The following BRINP3 variants were observed in gnomAD, a reference collection of about 807,000 sequenced individuals.
BRINP3 encodes the protein BMP/retinoic acid-inducible neural-specific protein 3.
A neutral mutation model predicts 71.0 loss-of-function variants in BRINP3; 19 were observed. The observed-to-expected ratio is 0.27, with a 90% CI of 0.19 to 0.39. BRINP3 has a LOEUF of 0.39. Among genes scored for constraint, BRINP3 ranks in the 10% least tolerant of loss-of-function variants. The probability of loss-of-function intolerance (pLI) is 1.00; values close to 1 mark genes in which losing one functional copy is unlikely to be tolerated. For synonymous variants in BRINP3, 380 were observed against 337.7 expected, an observed-to-expected ratio of 1.13 and a Z score of -1.37; for missense variants, 959 against 940.8, an observed-to-expected ratio of 1.02 and a Z score of -0.25.
intron 2 of BRINP3, among the ~76,000 whole-genome samples, chr1:190,360,317 T>C (rs759912074): frequency 1.3e-5 from 2 of 152,172 alleles, no homozygotes; most frequent in Non-Finnish European, 2.9e-5. Context: ...TGAAAGGGGA[T>C]ATTGTTAATA....
At chr1:190,265,539 AAT>A (rs36099005) in intron 3 of BRINP3, among the ~76,000 whole-genome samples, 22,730 of 139,132 alleles carry the variant, frequency 0.16, 2,476 homozygotes, top group African/African-American at 0.28. Flanking sequence ...GTCTCTACTA[AAT>A]ATATATATAT....
intron 2 of BRINP3, among the ~76,000 whole-genome samples, chr1:190,296,392 A>T (rs914086635): frequency 1.3e-5 from 2 of 152,098 alleles, no homozygotes; most frequent in African/African-American, 4.8e-5. Flanking sequence ...AAAAACTCTC[A>T]ACATATTAGG....
chr1:190,175,648 A>G, intron 6 of BRINP3, among the ~76,000 whole-genome samples: 1 of 152,312 alleles, frequency 6.6e-6, no homozygotes, highest in East Asian at 1.9e-4. Flanking sequence ...ATGTTACTGT[A>G]TATTAAAAAA....
intron 2 of BRINP3, among the ~76,000 whole-genome samples, chr1:190,446,104 T>A (rs566570621): frequency 7.2e-5 from 11 of 152,234 alleles, no homozygotes; most frequent in Non-Finnish European, 1.2e-4. Flanking sequence ...GTTTCTAAAC[T>A]ATTTATATTT....
chr1:190,359,352 C>T (rs1320199840), intron 2 of BRINP3, among the ~76,000 whole-genome samples: 1 of 151,940 alleles, frequency 6.6e-6, no homozygotes, highest in African/African-American at 2.4e-5. Flanking sequence ...ATCAGAAAGA[C>T]CAATGGTGTG....
At chr1:190,302,525 T>C (rs1664809099) in intron 2 of BRINP3, among the ~76,000 whole-genome samples, 1 of 151,820 alleles carries the variant, frequency 6.6e-6, no homozygotes, top group Non-Finnish European at 1.5e-5. Flanking sequence ...GTATGAACTC[T>C]CACTGCAGAA....
At chr1:190,208,229 A>G (rs1482678608) in intron 6 of BRINP3, among the ~76,000 whole-genome samples, 1 of 151,982 alleles carries the variant, frequency 6.6e-6, no homozygotes, top group Non-Finnish European at 1.5e-5. Context: ...AAGTGCTGGC[A>G]TTACAGGTGT....
At chr1:190,184,982 G>A (rs2102549211) in intron 6 of BRINP3, among the ~76,000 whole-genome samples, 1 of 152,120 alleles carries the variant, frequency 6.6e-6, no homozygotes, top group Middle Eastern at 3.4e-3. Context: ...AAAGACTTAA[G>A]TCCTGAAGCT....
chr1:190,098,071 T>A lies in BRINP3; in HGVS notation c.2248A>T (p.Asn750Tyr), dbSNP rs1385430457. The A allele has an allele frequency of 1.2e-6, 2 of 1,613,866 alleles. No individual in the cohort carries two copies. Among genetic ancestry groups the A allele is most frequent in the Non-Finnish European group, 1.7e-6 (2 of 1,179,904 alleles). Residue 750 changes from asparagine (N) to tyrosine (Y), a missense_variant, in exon 8 of 8, where the codon AAT becomes TAT. Transcript: ENST00000367462. ...TCCATTGTGTTTGGCAATTTGGCAT[T>A]AAACGCCTGCAGAGCAGATTGGATC... ...VRIQSALQAF[N>Y]AKLPNTMDYD...
At chr1:190,304,162 C>T (rs1048495842) in intron 2 of BRINP3, among the ~76,000 whole-genome samples, 21 of 151,716 alleles carry the variant, frequency 1.4e-4, no homozygotes, top group African/African-American at 3.6e-4. Context: ...TGCTATAAAA[C>T]CAAGAACCTA....
At chr1:190,102,583 G>A (rs1039697428) in intron 7 of BRINP3, among the ~76,000 whole-genome samples, 2 of 151,666 alleles carry the variant, frequency 1.3e-5, no homozygotes, top group African/African-American at 2.4e-5. Flanking sequence ...TAATACTTCA[G>A]TAAACATTCT....
chr1:190,203,794 TATATATATATATATATATATAA>T (rs1558061964), intron 6 of BRINP3, among the ~76,000 whole-genome samples: 7 of 84,664 alleles, frequency 8.3e-5, no homozygotes, highest in African/African-American at 2.6e-4. Flanking sequence ...TATATATATA[TATATATATATATATATATATAA>T]ATGAAAACAA....
chr1:190,206,321 A>G (rs192324960), intron 6 of BRINP3, among the ~76,000 whole-genome samples: 3 of 151,846 alleles, frequency 2.0e-5, no homozygotes, highest in Non-Finnish European at 2.9e-5. Flanking sequence ...CTATTCTGCT[A>G]AATAAATAAA....
At chr1:190,361,384 A>AGTTTTT (rs540887460) in intron 2 of BRINP3, among the ~76,000 whole-genome samples, 11 of 151,598 alleles carry the variant, frequency 7.3e-5, no homozygotes, top group Non-Finnish European at 7.4e-5. Context: ...ATATAAGACC[A>AGTTTTT]GTTTTTGTTT....
Position 190,264,856 on chromosome 1 carries a change from C to G in BRINP3, c.618+9G>C, listed in dbSNP as rs1264607763. The stretch of plus-strand genomic sequence containing the variant: ...GAAGGTGATAATTTTAGCGTAAACT[C>G]ATTCTTACCTTTATGGCAGTGGATG... On this transcript the variant is annotated intron_variant, in intron 4 of 7. Coordinates refer to ENST00000367462, the MANE Select transcript of BRINP3 (RefSeq NM_199051.3). 2.5e-6 allele frequency: 4 copies of G among 1,610,662 alleles called. No individual in the cohort carries two copies. Among genetic ancestry groups the G allele is most frequent in the African/African-American group, 1.3e-5 (1 of 74,742 alleles).
intron 2 of BRINP3, among the ~76,000 whole-genome samples, chr1:190,452,157 T>C (rs1003368215): frequency 5.3e-5 from 8 of 152,188 alleles, no homozygotes; most frequent in Non-Finnish European, 8.8e-5. Flanking sequence ...CAAACATTAA[T>C]GAAAAGTGAA....
chr1:190,229,774 A>G (rs144129550), intron 5 of BRINP3, among the ~76,000 whole-genome samples: 1 of 152,132 alleles, frequency 6.6e-6, no homozygotes, highest in African/African-American at 2.4e-5. Context: ...TTGAAACTAA[A>G]TCTTCTCTGA....
intron 2 of BRINP3, among the ~76,000 whole-genome samples, chr1:190,444,822 A>G (rs1675101395): frequency 6.6e-6 from 1 of 152,174 alleles, no homozygotes; most frequent in South Asian, 2.1e-4. Context: ...GGCGTGAGCC[A>G]CCGCGCCTGG....
At chr1:190,421,179 C>A (rs537693141) in intron 2 of BRINP3, among the ~76,000 whole-genome samples, 1 of 151,582 alleles carries the variant, frequency 6.6e-6, no homozygotes, top group Admixed American at 6.6e-5. Flanking sequence ...GTATTCACAA[C>A]AATTGTCCAA....
Sources: gnomAD v4.1 joint callset for allele counts (sites outside exome capture counted in the v4.1 genomes callset) on GRCh38, gnomAD v4.1.1 for gene constraint, MANE v1.5 for transcripts, NCBI Gene and HGNC (gene_info 2026-07-23, HGNC 2026-07-21) for gene names.